The following GMDS variants were observed in gnomAD, a reference collection of about 807,000 sequenced individuals.
GMDS encodes the protein GDP-mannose 4,6-dehydratase, also known as GDP-mannose 4,6 dehydratase.
GMDS carries 20 observed loss-of-function variants against 49.9 expected under a neutral mutation model. That is an observed-to-expected ratio of 0.40 (90% CI 0.28 to 0.58). GMDS has a LOEUF of 0.58. GMDS is among the 20% of genes least tolerant of loss of function. GMDS has a pLI of 0.42. For synonymous variants in GMDS, 177 were observed against 178.6 expected (o/e 0.99, Z 0.07); for missense variants, 362 against 481.4 (o/e 0.75, Z 2.32).
At chr6:1,780,424 G>T (rs138086302) in intron 7 of GMDS, among the ~76,000 whole-genome samples, 1 of 152,360 alleles carries the variant, frequency 6.6e-6, no homozygotes, top group African/African-American at 2.4e-5. Context: ...GGTTACTCAT[G>T]CAGTGGCAAC....
At chr6:2,242,998 A>T (rs966807035) in intron 1 of GMDS, among the ~76,000 whole-genome samples, 7 of 152,228 alleles carry the variant, frequency 4.6e-5, no homozygotes, top group African/African-American at 1.7e-4. Context: ...AAGAGCAGTA[A>T]ATTCCATCTG....
In GMDS at chr6:1,893,038, G is replaced by C. The variant is rs1040544518; in HGVS notation, c.771+37065C>G. Among the ~76,000 whole-genome samples, 8 of 152,294 alleles carry C rather than the reference G, an allele frequency of 5.3e-5. No individual in the cohort carries two copies. In the East Asian group the frequency reaches 1.5e-3, roughly 29 times the overall value. On this transcript the variant is annotated intron_variant, in intron 7 of 10. Transcript: ENST00000380815. Reference sequence around the variant, plus strand: ...AGAAGTCCCAAAGAGGGCAACGAAAGTGCAAGGCAAAGAACTGGCTTTCGG... The same window carrying C: ...AGAAGTCCCAAAGAGGGCAACGAAACTGCAAGGCAAAGAACTGGCTTTCGG...
At chr6:1,907,837 C>G (rs533843091) in intron 7 of GMDS, among the ~76,000 whole-genome samples, 55 of 152,308 alleles carry the variant, frequency 3.6e-4, no homozygotes, top group African/African-American at 1.2e-3. Flanking sequence ...CTATACAGTT[C>G]TCCCCTCTTA....
intron 7 of GMDS, among the ~76,000 whole-genome samples, chr6:1,850,109 TC>T (rs1561844524): frequency 6.6e-6 from 1 of 152,174 alleles, no homozygotes; most frequent in Non-Finnish European, 1.5e-5. Context: ...CCTCATGCAA[TC>T]TCATGGGTCT....
chr6:2,113,976 T>C (rs900427954), intron 4 of GMDS, among the ~76,000 whole-genome samples: 1 of 152,136 alleles, frequency 6.6e-6, no homozygotes, highest in African/African-American at 2.4e-5. Flanking sequence ...ACCAACTCAA[T>C]AGCCTATGAT....
intron 1 of GMDS, among the ~76,000 whole-genome samples, chr6:2,136,497 G>C (rs1279770384): frequency 1.3e-5 from 2 of 152,226 alleles, no homozygotes; most frequent in Non-Finnish European, 2.9e-5. Flanking sequence ...CAAAGCCAAA[G>C]TATGGCTTGA....
intron 1 of GMDS, among the ~76,000 whole-genome samples, chr6:2,190,894 C>T (rs1234273448): frequency 6.6e-6 from 1 of 152,112 alleles, no homozygotes; most frequent in African/African-American, 2.4e-5. Context: ...GCAAACTGTG[C>T]TGCCCCCACC....
intron 1 of GMDS, among the ~76,000 whole-genome samples, chr6:2,129,913 G>T (rs2127516653): frequency 6.6e-6 from 1 of 152,294 alleles, no homozygotes; most frequent in Admixed American, 6.5e-5. Flanking sequence ...AAATTCAAAA[G>T]ACCATGGGGA....
intron 9 of GMDS, among the ~76,000 whole-genome samples, chr6:1,723,098 G>A (rs1436741402): frequency 6.6e-6 from 1 of 152,084 alleles, no homozygotes; most frequent in Non-Finnish European, 1.5e-5. Flanking sequence ...CTAAATCAAT[G>A]AGGAAAAAGA....
At chr6:2,144,844 T>G (rs1042407768) in intron 1 of GMDS, among the ~76,000 whole-genome samples, 1 of 152,110 alleles carries the variant, frequency 6.6e-6, no homozygotes. Context: ...TAAGGCCAGG[T>G]AGGAGACACA....
intron 4 of GMDS, among the ~76,000 whole-genome samples, chr6:2,020,595 C>A (rs914139791): frequency 1.3e-5 from 2 of 151,942 alleles, no homozygotes; most frequent in Non-Finnish European, 2.9e-5. Flanking sequence ...TGAGAAAACA[C>A]TACAATGCAT....
At chr6:1,669,917 CAA>C (rs66490758) in intron 9 of GMDS, among the ~76,000 whole-genome samples, 5,001 of 44,574 alleles carry the variant, frequency 0.11, 50 homozygotes, top group Middle Eastern at 0.25. Flanking sequence ...GACTCCATCT[CAA>C]AAAAAAAAAA....
intron 9 of GMDS, among the ~76,000 whole-genome samples, chr6:1,649,292 C>T (rs962467214): frequency 6.6e-5 from 10 of 152,144 alleles, no homozygotes; most frequent in East Asian, 1.9e-4. Context: ...CACCTCAACC[C>T]GTGTTTCAAG....
intron 7 of GMDS, among the ~76,000 whole-genome samples, chr6:1,764,339 A>C (rs1768269988): frequency 6.6e-6 from 1 of 152,182 alleles, no homozygotes; most frequent in African/African-American, 2.4e-5. Context: ...GTGTTTCTTC[A>C]TCTTTCCAAA....
intron 1 of GMDS, among the ~76,000 whole-genome samples, chr6:2,231,888 G>A (rs898642347): frequency 6.6e-6 from 1 of 152,140 alleles, no homozygotes; most frequent in African/African-American, 2.4e-5. Context: ...CTGAGCAAAT[G>A]AAATCAGATA....
At chr6:2,069,150 AAAAC>A (rs1250601056) in intron 4 of GMDS, among the ~76,000 whole-genome samples, 1 of 152,228 alleles carries the variant, frequency 6.6e-6, no homozygotes, top group Admixed American at 6.5e-5. Flanking sequence ...AAACCTGAGA[AAAAC>A]AAGCAATGGG....
intron 6 of GMDS, among the ~76,000 whole-genome samples, chr6:1,936,016 T>C (rs954122324): frequency 5.9e-5 from 9 of 152,216 alleles, no homozygotes; most frequent in African/African-American, 1.7e-4. Context: ...GGCCATCTCA[T>C]GCCCTGGAAA....
At chr6:1,819,760 CA>C (rs1197523577) in intron 7 of GMDS, among the ~76,000 whole-genome samples, 1,903 of 111,308 alleles carry the variant, frequency 0.017, 43 homozygotes, top group African/African-American at 0.053. Flanking sequence ...GACTCTGCCT[CA>C]AAAAAAAAAA....
At chr6:2,199,409 C>T (rs140804741) in intron 1 of GMDS, among the ~76,000 whole-genome samples, 98 of 152,324 alleles carry the variant, frequency 6.4e-4, no homozygotes, top group Middle Eastern at 3.4e-3. Context: ...ATTGGCTTCC[C>T]ATTTCTAATG....
Sources: gnomAD v4.1 joint callset for allele counts (sites outside exome capture counted in the v4.1 genomes callset) on GRCh38, gnomAD v4.1.1 for gene constraint, MANE v1.5 for transcripts, NCBI Gene and HGNC (gene_info 2026-07-23, HGNC 2026-07-21) for gene names.